Variants in ATG16L2 observed in about 807,000 individuals in gnomAD.
ATG16L2 encodes protein Atg16l2.
Under a neutral mutation model 84.7 loss-of-function variants are expected in ATG16L2, and 77 were observed. The ratio of observed to expected loss-of-function variants is 0.91; its 90% CI spans 0.76 to 1.10. ATG16L2 has a LOEUF of 1.10. Ranked by LOEUF, ATG16L2 falls within the 50% of genes least tolerant of loss-of-function variation. The pLI is 0.00. For missense variants in ATG16L2, 782 were observed against 817.6 expected, an observed-to-expected ratio of 0.96 and a Z score of 0.53; for synonymous variants, 361 against 342.8, an observed-to-expected ratio of 1.05 and a Z score of -0.59.
chr11:72,827,958 CAAAA>C (rs1860460786), intron 14 of ATG16L2, among the ~76,000 whole-genome samples: 1 of 152,008 alleles, frequency 6.6e-6, no homozygotes, highest in African/African-American at 2.4e-5. Context: ...AAACCAAAAA[CAAAA>C]CAAAACAAAA....
chr11:72,821,242 G>A, intron 3 of ATG16L2: 1 of 1,002,144 alleles, frequency 1.0e-6, no homozygotes, highest in Non-Finnish European at 1.2e-6. Context: ...AGGATGGAAG[G>A]AGCGTGTAGC....
At chr11:72,841,670 T>C in intron 5 of ATG16L2, 2 of 1,338,038 alleles carry the variant, frequency 1.5e-6, no homozygotes, top group Non-Finnish European at 2.0e-6. Flanking sequence ...TACTCATGCC[T>C]TTTCTCTAAA....
chr11:72,826,430 A>G lies in ATG16L2; in HGVS notation c.1174-88A>G, dbSNP rs1254861803. 5 of 1,553,702 alleles carry G rather than the reference A, an allele frequency of 3.2e-6. No homozygotes were observed. The African/African-American group carries it at 6.8e-5, about 21-fold the overall frequency. On this transcript the variant is annotated intron_variant, in intron 11 of 17. Transcript: ENST00000321297. ...GCCTTGGTGACCTGGGCCGTGGGAA[A>G]CTGTGAGGCAGCCCCTAGCCTCATT...
At position 72,828,587 on chromosome 11, in the gene ATG16L2, G is replaced by A. The variant is rs116807477; in HGVS notation, c.1622+79G>A. 56 of 1,600,710 alleles carry A rather than the reference G, an allele frequency of 3.5e-5. No individual in the cohort carries two copies. In the African/African-American group the frequency reaches 6.9e-4, roughly 20 times the overall value. ...CTCTTCTCCTGTAATAGACCCTCTT[G>A]GAGCCCTCCCTGGAGGCCCCTCCAG... On this transcript the variant is annotated intron_variant, in intron 15 of 17. Coordinates refer to ENST00000321297, the MANE Select transcript of ATG16L2 (RefSeq NM_033388.2).
At chr11:72,831,215 C>T (rs1480109455), downstream of ATG16L2, among the ~76,000 whole-genome samples, 1 of 152,208 alleles carries the variant, frequency 6.6e-6, no homozygotes, top group Non-Finnish European at 1.5e-5. Context: ...TGGTTAAATT[C>T]TCTTATTCAG....
rs762056021 is a variant in ATG16L2, at chr11:72,829,420, T to G, written c.*30T>G. The G allele has an allele frequency of 6.3e-7, 1 of 1,599,740 alleles. No individual in the cohort carries two copies. Among genetic ancestry groups the G allele is most frequent in the South Asian group, 1.1e-5 (1 of 90,520 alleles). ...ACGACCTGCCTGCCTGGGCTGGAGCTCTTGCCCGAAGCCTGAAGCTTCCTT... is the reference window on the plus strand; with the variant it reads ...ACGACCTGCCTGCCTGGGCTGGAGCGCTTGCCCGAAGCCTGAAGCTTCCTT... On this transcript the variant is annotated 3_prime_UTR_variant, in exon 18 of 18. Coordinates refer to ENST00000321297, the MANE Select transcript of ATG16L2 (RefSeq NM_033388.2).
At chr11:72,824,960 C>A in intron 9 of ATG16L2, 118 bp downstream of exon 9, 1 of 788,224 alleles carries the variant, frequency 1.3e-6, no homozygotes, top group Non-Finnish European at 2.0e-6. Context: ...GGCTCCTCAG[C>A]AGGAGCAGGA....
chr11:72,842,850 C>A (rs764245364), exon 6 of ATG16L2: 2 of 1,607,860 alleles, frequency 1.2e-6, no homozygotes, highest in Admixed American at 3.4e-5. Context: ...TACTAGGGAG[C>A]AAGAGAAAAA....
intron 3 of ATG16L2, among the ~76,000 whole-genome samples, chr11:72,819,173 C>G (rs904860489): frequency 3.3e-5 from 5 of 152,122 alleles, no homozygotes; most frequent in African/African-American, 1.2e-4. Flanking sequence ...CCTGTGACTG[C>G]CCCCCAGTCG....
downstream of ATG16L2, among the ~76,000 whole-genome samples, chr11:72,830,113 T>C (rs574751759): frequency 1.3e-5 from 2 of 152,262 alleles, 1 homozygote; most frequent in African/African-American, 4.8e-5. Flanking sequence ...TCTGTGTGTC[T>C]GTGCCTGGGG....
rs1438021060 is a variant in ATG16L2, at chr11:72,829,626, G to A, written c.*236G>A. 1.5e-6 allele frequency: 2 copies of A among 1,341,506 alleles called. No individual in the cohort carries two copies. Among genetic ancestry groups the A allele is most frequent in the Non-Finnish European group, 1.9e-6 (2 of 1,044,758 alleles). The allele number at this position is 1,341,506 out of a possible 1,614,324, so 83.1% of individuals were successfully genotyped here. ...TTTTTCTCCCAAAGTAGAAAAAAATGATATCTGAACTGCGTCTGCCTACCT... is the reference window on the plus strand; with the variant it reads ...TTTTTCTCCCAAAGTAGAAAAAAATAATATCTGAACTGCGTCTGCCTACCT... On this transcript the variant is annotated 3_prime_UTR_variant, in exon 18 of 18. Coordinates refer to ENST00000321297, the MANE Select transcript of ATG16L2 (RefSeq NM_033388.2).
rs1860087519 is a variant in ATG16L2 at position 72,822,741 on chromosome 11, A to G, written c.711-107A>G. On this transcript the variant is annotated intron_variant, in intron 6 of 17. Coordinates refer to ENST00000321297, the MANE Select transcript of ATG16L2 (RefSeq NM_033388.2). The surrounding 1 kb of genome is among the most constrained non-coding windows in gnomAD (Gnocchi z 4.2). ...GTGACCGCTGCACGTGTACACCCAC[A>G]CAGAACCCTCATCACTGGGAATTCC... is the stretch of plus-strand genomic sequence containing the variant. 3 of 1,055,666 alleles carry G rather than the reference A, an allele frequency of 2.8e-6. No individual in the cohort carries two copies. The highest frequency in any genetic ancestry group is 3.2e-5 in the African/African-American group (2 of 62,062). 65.4% of individuals were successfully genotyped at this position (1,055,666 alleles called of 1,614,324 possible). A position where few individuals can be genotyped will look rare whatever the true frequency, so the allele number is the denominator to read the frequency against.
intron 8 of ATG16L2, 60 bp downstream of exon 8, chr11:72,824,182 T>G: frequency 3.1e-6 from 5 of 1,602,860 alleles, no homozygotes; most frequent in Non-Finnish European, 3.4e-6. Context: ...CAGCCCAGGC[T>G]TGGTCTGTGT....
intron 9 of ATG16L2, 65 bp from the exon 10 acceptor site, chr11:72,825,237 C>A: frequency 7.9e-7 from 1 of 1,272,072 alleles, no homozygotes; most frequent in South Asian, 1.2e-5. Flanking sequence ...GGTAAGAGGG[C>A]CCGTGAGCAC....
At chr11:72,842,160 T>C (rs1451215740) in intron 5 of ATG16L2, among the ~76,000 whole-genome samples, 1 of 152,170 alleles carries the variant, frequency 6.6e-6, no homozygotes, top group African/African-American at 2.4e-5. Context: ...CTAGGGTCAC[T>C]TGAGTGGGGA....
rs74720753 is a variant in ATG16L2, at chr11:72,823,158, C to G, written c.824+197C>G. 509 of 541,690 alleles carry G rather than the reference C, an allele frequency of 9.4e-4. 1 individual carries two copies. The highest frequency in any genetic ancestry group is 8.8e-3 in the African/African-American group (461 of 52,138). 33.6% of individuals were successfully genotyped at this position (541,690 alleles called of 1,614,324 possible). On this transcript the variant is annotated intron_variant, in intron 7 of 17. Coordinates refer to ENST00000321297, the MANE Select transcript of ATG16L2 (RefSeq NM_033388.2). ...TTGGGGTCAGTTCCATCTCACCCCC[C>G]CAACCCCTACCCTCAACCCTTTCCC...
In ATG16L2 at chr11:72,827,038, C is replaced by A. The variant is rs112613208; in HGVS notation, c.1367-150C>A. On this transcript the variant is annotated intron_variant, in intron 13 of 17. Coordinates refer to ENST00000321297, the MANE Select transcript of ATG16L2 (RefSeq NM_033388.2). ...CCTCAGGCTGTGGGTAGGAAAAAGACGTGGGTGAGCCCTGTGCTGGGAAGC... is the reference window on the plus strand; with the variant it reads ...CCTCAGGCTGTGGGTAGGAAAAAGAAGTGGGTGAGCCCTGTGCTGGGAAGC... 6.9e-3 allele frequency: 5,671 copies of A among 826,478 alleles called. 36 individuals are homozygous for A. Among genetic ancestry groups the A allele is most frequent in the South Asian group, 0.014 (766 of 56,274 alleles). 51.2% of individuals were successfully genotyped at this position (826,478 alleles called of 1,614,324 possible).
At position 72,824,064 on chromosome 11, in the gene ATG16L2, G is replaced by A; in HGVS notation, c.829G>A (p.Ala277Thr). ...CEKWKRPFRS[A>T]SATSLTLSHC... ...TCTCTCTTGGTTTTGTCTCAGGTCTGCCTCAGCCACCTCCCTGACGCTGTC... is the reference window on the plus strand; with the variant it reads ...TCTCTCTTGGTTTTGTCTCAGGTCTACCTCAGCCACCTCCCTGACGCTGTC... Residue 277 changes from alanine to threonine, a missense_variant, in exon 8 of 18, where the codon GCC becomes ACC. Physicochemically the swap from Ala to Thr is moderately conservative, Grantham distance 58 (BLOSUM62 0). Transcript: ENST00000321297. 6.2e-7 allele frequency: 1 copy of A among 1,614,216 alleles called. No homozygotes were observed. The highest frequency in any genetic ancestry group is 2.2e-5 in the East Asian group (1 of 44,892).
At chr11:72,830,104 C>G (rs1860573595), downstream of ATG16L2, among the ~76,000 whole-genome samples, 1 of 152,138 alleles carries the variant, frequency 6.6e-6, no homozygotes, top group Non-Finnish European at 1.5e-5. Flanking sequence ...AGCAAGGCCT[C>G]TGTGTGTCTG....
Sources: gnomAD v4.1 joint callset for allele counts (sites outside exome capture counted in the v4.1 genomes callset) on GRCh38, gnomAD v4.1.1 for gene constraint, Gnocchi (gnomAD v3.1) non-coding constraint, MANE v1.5 for transcripts, NCBI Gene and HGNC (gene_info 2026-07-23, HGNC 2026-07-21) for gene names.